The following TBXAS1 variants were observed in gnomAD, a reference collection of about 807,000 sequenced individuals.
TBXAS1 encodes the protein thromboxane A synthase 1.
Under a neutral mutation model 60.7 loss-of-function variants are expected in TBXAS1, and 48 were observed. That is an observed-to-expected ratio of 0.79 (90% confidence interval 0.63 to 1.01). The LOEUF is 1.01. Ranked by LOEUF, TBXAS1 falls within the 50% of genes least tolerant of loss-of-function variation. The pLI is 0.00. For synonymous variants in TBXAS1, 287 were observed against 269.7 expected (o/e 1.06, Z -0.63); for missense variants, 685 against 686.3 (o/e 1.00, Z 0.02).
At chr7:139,825,363 T>C (rs1243635068), upstream of TBXAS1, among the ~76,000 whole-genome samples, 1 of 152,182 alleles carries the variant, frequency 6.6e-6, no homozygotes. Flanking sequence ...GCTAATTTAC[T>C]GTCCACAATT....
At chr7:139,862,070 TG>T (rs1192638804) in intron 1 of TBXAS1, among the ~76,000 whole-genome samples, 1 of 152,218 alleles carries the variant, frequency 6.6e-6, no homozygotes, top group East Asian at 1.9e-4. Context: ...TAGAGATGAT[TG>T]GGAGACAACA....
Position 139,905,005 on chromosome 7 carries a change from C to CTTTCTT in TBXAS1, c.237-6219_237-6218insTTCTTT, listed in dbSNP as rs1285874660. On this transcript the variant is annotated intron_variant, in intron 3 of 12. Transcript: ENST00000448866. The stretch of plus-strand genomic sequence containing the variant: ...TCTCTTTCTCTCTTTCTCTCTTTCT[C>CTTTCTT]TCTTTCTTTCTTTCTTTCTTTCTTT... Among the ~76,000 whole-genome samples, 399 of 90,472 alleles carry CTTTCTT rather than the reference C, an allele frequency of 4.4e-3. 2 individuals carry two copies. Among genetic ancestry groups the CTTTCTT allele is most frequent in the Middle Eastern group, 0.015 (3 of 200 alleles). 59.4% of individuals were successfully genotyped at this position (90,472 alleles called of 152,430 possible).
intron 4 of TBXAS1, among the ~76,000 whole-genome samples, chr7:139,803,125 G>A (rs1050576170): frequency 6.6e-6 from 1 of 152,220 alleles, no homozygotes; most frequent in Non-Finnish European, 1.5e-5. Context: ...GAACAGTTTG[G>A]AAGGCTCAGA....
At chr7:139,830,800 T>C (rs1798652197) in intron 1 of TBXAS1, among the ~76,000 whole-genome samples, 1 of 152,160 alleles carries the variant, frequency 6.6e-6, no homozygotes, top group African/African-American at 2.4e-5. Flanking sequence ...GGTTTATTTT[T>C]AATTTCTTAC....
chr7:139,837,028 T>C (rs1799113320), intron 1 of TBXAS1, among the ~76,000 whole-genome samples: 1 of 152,038 alleles, frequency 6.6e-6, no homozygotes, highest in South Asian at 2.1e-4. Flanking sequence ...CAAAAGAAGA[T>C]ATATAAATGA....
At chr7:139,917,358 T>C (rs1394638390) in intron 4 of TBXAS1, among the ~76,000 whole-genome samples, 1 of 152,208 alleles carries the variant, frequency 6.6e-6, no homozygotes, top group South Asian at 2.1e-4. Flanking sequence ...TTTCCCCCTC[T>C]TCTAAGCCAT....
chr7:139,910,537 T>C (rs972931279), intron 3 of TBXAS1, among the ~76,000 whole-genome samples: 6 of 152,166 alleles, frequency 3.9e-5, no homozygotes, highest in Non-Finnish European at 7.3e-5. Flanking sequence ...CTCAGGAGGC[T>C]GAGGCAGAAG....
upstream of TBXAS1, among the ~76,000 whole-genome samples, chr7:139,824,829 C>CTTTTCTTTTTTTTTTTTTTTTTTTT (rs1401847052): frequency 2.6e-5 from 1 of 38,862 alleles, no homozygotes. Flanking sequence ...TTTTCCTTTT[C>CTTTTCTTTTTTTTTTTTTTTTTTTT]TTTTTTTTTT....
At chr7:139,912,948 A>G in intron 4 of TBXAS1, 1 of 603,996 alleles carries the variant, frequency 1.7e-6, no homozygotes, top group Non-Finnish European at 3.0e-6. Context: ...CTCTCAACTT[A>G]AGTCTAGAGC....
chr7:139,797,727 A>G (rs1797610026), intron 4 of TBXAS1, among the ~76,000 whole-genome samples: 1 of 152,194 alleles, frequency 6.6e-6, no homozygotes, highest in Non-Finnish European at 1.5e-5. Context: ...GTAAAGGGTC[A>G]GTGCACAGGC....
intron 9 of TBXAS1, among the ~76,000 whole-genome samples, chr7:139,970,031 C>T (rs988939105): frequency 1.3e-5 from 2 of 152,328 alleles, no homozygotes; most frequent in South Asian, 2.1e-4. Context: ...ACGGGAATCA[C>T]CTGGGAGTCA....
intron 3 of TBXAS1, among the ~76,000 whole-genome samples, chr7:139,895,376 G>A (rs1804009306): frequency 6.6e-6 from 1 of 152,192 alleles, no homozygotes; most frequent in Admixed American, 6.5e-5. Flanking sequence ...GCCATGTCTT[G>A]CAGGTCAGTT....
chr7:139,942,313 G>A (rs1808352348), intron 5 of TBXAS1, among the ~76,000 whole-genome samples: 1 of 152,260 alleles, frequency 6.6e-6, no homozygotes, highest in Non-Finnish European at 1.5e-5. Context: ...AAGGCCTGCA[G>A]TAAAGAAACC....
chr7:139,990,486 G>A (rs1318830424), intron 9 of TBXAS1, among the ~76,000 whole-genome samples: 6 of 152,094 alleles, frequency 3.9e-5, no homozygotes, highest in Non-Finnish European at 7.4e-5. Context: ...AGCCAGCCTC[G>A]AGCACCTGTT....
chr7:140,005,062 G>A (rs1261707704), intron 9 of TBXAS1, among the ~76,000 whole-genome samples: 4 of 152,352 alleles, frequency 2.6e-5, no homozygotes, highest in African/African-American at 9.6e-5. Flanking sequence ...AGCACAGGCA[G>A]CTGAGAGCTG....
chr7:139,855,659 TC>T (rs1451646465), intron 1 of TBXAS1, among the ~76,000 whole-genome samples: 1 of 152,082 alleles, frequency 6.6e-6, no homozygotes, highest in Non-Finnish European at 1.5e-5. Flanking sequence ...GGTTTTGTCG[TC>T]CCAGAAGCCA....
intron 4 of TBXAS1, among the ~76,000 whole-genome samples, chr7:139,928,710 C>T (rs1333699206): frequency 2.0e-5 from 3 of 152,202 alleles, no homozygotes; most frequent in Non-Finnish European, 2.9e-5. Context: ...CTCCTCTTTC[C>T]CCATAAGAAT....
chr7:139,834,214 A>G (rs563438012), intron 1 of TBXAS1, among the ~76,000 whole-genome samples: 1 of 152,344 alleles, frequency 6.6e-6, no homozygotes, highest in Non-Finnish European at 1.5e-5. Flanking sequence ...CTGAATGAGC[A>G]TTGGGTAAAA....
rs567674352 is a variant in TBXAS1 at position 139,953,589 on chromosome 7, G to A, written c.539+133G>A. 4.4e-5 allele frequency: 37 copies of A among 839,016 alleles called. No homozygotes were observed. The East Asian group carries it at 8.3e-4, about 19-fold the overall frequency. The allele number at this position is 839,016 out of a possible 1,614,324, so 52.0% of individuals were successfully genotyped here. A position where few individuals can be genotyped will look rare whatever the true frequency, so the allele number is the denominator to read the frequency against. ...CTAGAAGCTCATAAAAGCATGGATG[G>A]ACTGATTAATAAAAAGAAAAGAAAC... On this transcript the variant is annotated intron_variant, in intron 6 of 12. Coordinates refer to ENST00000448866, the MANE Select transcript of TBXAS1 (RefSeq NM_001061.7).
Sources: gnomAD v4.1 joint callset for allele counts (sites outside exome capture counted in the v4.1 genomes callset) on GRCh38, gnomAD v4.1.1 for gene constraint, MANE v1.5 for transcripts, NCBI Gene and HGNC (gene_info 2026-07-23, HGNC 2026-07-21) for gene names.